ESRP1: variants seen among roughly 807,000 people sequenced by gnomAD.
The protein encoded by ESRP1 is epithelial splicing regulatory protein 1.
Under a neutral mutation model 81.7 loss-of-function variants are expected in ESRP1, and 33 were observed. The ratio of observed to expected loss-of-function variants is 0.40; its 90% CI spans 0.31 to 0.54. The LOEUF is 0.54. Ranked by LOEUF, ESRP1 falls within the 20% of genes least tolerant of loss-of-function variation. The pLI, the probability that ESRP1 is intolerant of heterozygous loss-of-function variation, is 0.41. For synonymous variants in ESRP1, 320 were observed against 303.3 expected (o/e 1.06, Z -0.57); for missense variants, 672 against 833.1 (o/e 0.81, Z 2.38).
At position 94,692,841 on chromosome 8, in the gene ESRP1, A is replaced by G; in HGVS notation, c.1971+14A>G. Reference sequence around the variant, plus strand: ...CAAGGTTACCAGGTCAGTAGCTTGAAGGAGAATAATCCTCAGTGCCCTTAT... The same window carrying G: ...CAAGGTTACCAGGTCAGTAGCTTGAGGGAGAATAATCCTCAGTGCCCTTAT... On this transcript the variant is annotated intron_variant, in intron 14 of 15. Transcript: ENST00000433389. 1 of 1,611,144 alleles carries G rather than the reference A, an allele frequency of 6.2e-7. No individual in the cohort carries two copies. Among genetic ancestry groups the G allele is most frequent in the East Asian group, 2.2e-5 (1 of 44,844 alleles).
Position 94,705,993 on chromosome 8 carries a change from G to C in ESRP1, c.*104G>C, listed in dbSNP as rs775574802. The stretch of plus-strand genomic sequence containing the variant: ...AAAACTTCTAGCAAATTCAGGGGAA[G>C]TTTGTCTACACTCAGGCTGCAGTAT... On this transcript the variant is annotated 3_prime_UTR_variant, in exon 16 of 16. Transcript: ENST00000433389. 6.6e-7 allele frequency: 1 copy of C among 1,504,546 alleles called. No homozygotes were observed. The highest frequency in any genetic ancestry group is 1.4e-5 in the African/African-American group (1 of 70,362). 93.2% of individuals were successfully genotyped at this position (1,504,546 alleles called of 1,614,324 possible).
chr8:94,668,290 T>C, intron 10 of ESRP1, 40 bp downstream of exon 10: 1 of 1,499,738 alleles, frequency 6.7e-7, no homozygotes. Context: ...TTTGCATTAA[T>C]TTCTGTTCTT....
At chr8:94,692,386 C>A (rs1012684944) in intron 13 of ESRP1, among the ~76,000 whole-genome samples, 10 of 151,916 alleles carry the variant, frequency 6.6e-5, no homozygotes, top group Admixed American at 2.6e-4. Context: ...TGGTGCTTTG[C>A]GGTGGAGTTG....
chr8:94,657,875 C>G (rs1563523649), intron 4 of ESRP1, among the ~76,000 whole-genome samples: 1 of 152,148 alleles, frequency 6.6e-6, no homozygotes, highest in Non-Finnish European at 1.5e-5. Flanking sequence ...CATTACCCAT[C>G]AGCCAGGTGA....
chr8:94,700,977 G>GTA (rs1426397298), intron 15 of ESRP1, among the ~76,000 whole-genome samples: 21 of 137,674 alleles, frequency 1.5e-4, no homozygotes, highest in Admixed American at 4.3e-4. Context: ...GTGTGTGTGT[G>GTA]TGTGTGTTAA....
intron 15 of ESRP1, among the ~76,000 whole-genome samples, chr8:94,697,399 A>G (rs1047120506): frequency 2.0e-5 from 3 of 152,296 alleles, no homozygotes; most frequent in South Asian, 4.1e-4. Context: ...TTCTCTCCCA[A>G]TAGCTCCTGG....
At chr8:94,696,092 T>C (rs74326008) in intron 14 of ESRP1, among the ~76,000 whole-genome samples, 3,097 of 152,254 alleles carry the variant, frequency 0.02, 97 homozygotes, top group African/African-American at 0.069. Flanking sequence ...CTACTCTTTG[T>C]GTCTTCCATA....
At chr8:94,666,685 T>C (rs1218826180) in intron 9 of ESRP1, among the ~76,000 whole-genome samples, 1 of 152,224 alleles carries the variant, frequency 6.6e-6, no homozygotes, top group Non-Finnish European at 1.5e-5. Context: ...AGTTCATCTT[T>C]AGATAAACTC....
Position 94,692,660 on chromosome 8 carries a change from G to A in ESRP1, c.1821-17G>A. 1.9e-6 allele frequency: 3 copies of A among 1,611,160 alleles called. No individual in the cohort carries two copies. The highest frequency in any genetic ancestry group is 2.5e-6 in the Non-Finnish European group (3 of 1,178,058). Reference sequence around the variant, plus strand: ...TTGTCTATTCCTATTGGTTCACTGTGCTTTCTCTCCCTTTAGCCCCCCAGG... The same window carrying A: ...TTGTCTATTCCTATTGGTTCACTGTACTTTCTCTCCCTTTAGCCCCCCAGG... On this transcript the variant is annotated splice_polypyrimidine_tract_variant and intron_variant, in intron 13 of 15. Coordinates refer to ENST00000433389, the MANE Select transcript of ESRP1 (RefSeq NM_017697.4).
intron 15 of ESRP1, among the ~76,000 whole-genome samples, chr8:94,701,930 T>C (rs1809856340): frequency 6.6e-6 from 1 of 152,196 alleles, no homozygotes; most frequent in African/African-American, 2.4e-5. Context: ...AATTAAAAGA[T>C]AGCCAGGTGT....
intron 4 of ESRP1, among the ~76,000 whole-genome samples, chr8:94,658,095 C>A (rs945162493): frequency 6.6e-6 from 1 of 152,180 alleles, no homozygotes. Context: ...TATTTTTAGT[C>A]GAGACAGGAG....
intron 15 of ESRP1, among the ~76,000 whole-genome samples, chr8:94,705,278 C>T (rs1443021623): frequency 6.7e-6 from 1 of 149,842 alleles, no homozygotes; most frequent in Non-Finnish European, 1.5e-5. Flanking sequence ...AGCAATTCTC[C>T]TGCCTCAGCC....
chr8:94,673,632 A>G (rs1319524271), intron 11 of ESRP1, among the ~76,000 whole-genome samples: 1 of 152,236 alleles, frequency 6.6e-6, no homozygotes, highest in Non-Finnish European at 1.5e-5. Context: ...TTAGCAAGCT[A>G]TTACTAATAG....
rs574794914 is a variant in ESRP1 at position 94,641,271 on chromosome 8, C to A, written c.-48C>A. The A allele has an allele frequency of 6.3e-6, 10 of 1,583,132 alleles. No homozygotes were observed. The East Asian group carries it at 1.6e-4, about 25-fold the overall frequency. On this transcript the variant is annotated 5_prime_UTR_variant, in exon 1 of 16. Coordinates refer to ENST00000433389, the MANE Select transcript of ESRP1 (RefSeq NM_017697.4). ...GGTTTTTTCGTTCTCACTTCCACAC[C>A]ACCTTACCGCCTCCCGACCCCCCCT...
chr8:94,697,956 A>G (rs1184984147), intron 15 of ESRP1, among the ~76,000 whole-genome samples: 6 of 150,834 alleles, frequency 4.0e-5, no homozygotes, highest in Non-Finnish European at 7.4e-5. Flanking sequence ...TTTTTTTTGT[A>G]TTTTTTAGTA....
At chr8:94,646,042 T>C (rs3824131) in intron 3 of ESRP1, 126 bp from the exon 4 acceptor site, 372,437 of 548,716 alleles carry the variant, frequency 0.68, 130,555 homozygotes, top group South Asian at 0.81. Context: ...TAAATCTACT[T>C]TTACATTAAA....
chr8:94,691,820 C>T (rs1809414098), intron 13 of ESRP1, among the ~76,000 whole-genome samples: 1 of 151,924 alleles, frequency 6.6e-6, no homozygotes, highest in Non-Finnish European at 1.5e-5. Context: ...TTAAAAAATT[C>T]CCTATATATT....
At chr8:94,674,005 G>A (rs1378750237) in intron 11 of ESRP1, among the ~76,000 whole-genome samples, 2 of 152,288 alleles carry the variant, frequency 1.3e-5, no homozygotes, top group Non-Finnish European at 2.9e-5. Flanking sequence ...CCTATATTTT[G>A]AAGCAGCAGT....
chr8:94,666,759 A>G (rs1586206077), intron 9 of ESRP1, among the ~76,000 whole-genome samples: 1 of 151,886 alleles, frequency 6.6e-6, no homozygotes, highest in East Asian at 1.9e-4. Context: ...GCAATGTTTG[A>G]TATTGTTAGG....
Sources: gnomAD v4.1 joint callset for allele counts (sites outside exome capture counted in the v4.1 genomes callset) on GRCh38, gnomAD v4.1.1 for gene constraint, MANE v1.5 for transcripts, NCBI Gene and HGNC (gene_info 2026-07-23, HGNC 2026-07-21) for gene names.